The following CSGALNACT1 variants were observed in gnomAD, a reference collection of about 807,000 sequenced individuals.
CSGALNACT1 encodes chondroitin sulfate N-acetylgalactosaminyltransferase 1.
A neutral mutation model predicts 51.0 loss-of-function variants in CSGALNACT1; 52 were observed. That is an observed-to-expected ratio of 1.02 (90% confidence interval 0.82 to 1.29). The LOEUF is 1.29. Among genes scored for constraint, CSGALNACT1 ranks in the 50% most tolerant of loss-of-function variants. The pLI, the probability that CSGALNACT1 is intolerant of heterozygous loss-of-function variation, is 0.00. For synonymous variants in CSGALNACT1, 341 were observed against 254.4 expected, an observed-to-expected ratio of 1.34 and a Z score of -3.24; for missense variants, 935 against 679.2, an observed-to-expected ratio of 1.38 and a Z score of -4.19.
intron 3 of CSGALNACT1, among the ~76,000 whole-genome samples, chr8:19,564,658 C>T (rs1304189449): frequency 1.3e-5 from 2 of 152,196 alleles, no homozygotes; most frequent in Non-Finnish European, 2.9e-5. Context: ...TGTGTCCAAT[C>T]AGAATTCATC....
chr8:19,511,850 A>C (rs1326029961), intron 3 of CSGALNACT1, among the ~76,000 whole-genome samples: 2 of 152,246 alleles, frequency 1.3e-5, no homozygotes, highest in Non-Finnish European at 2.9e-5. Flanking sequence ...TCATGGTGGA[A>C]GGGAAACCAA....
At chr8:19,678,007 T>A (rs557189082) in intron 1 of CSGALNACT1, among the ~76,000 whole-genome samples, 2 of 152,206 alleles carry the variant, frequency 1.3e-5, no homozygotes, top group South Asian at 2.1e-4. Context: ...TCCCAGCTAC[T>A]TGGGAGGCTG....
chr8:19,749,489 G>A (rs1331984771), intron 1 of CSGALNACT1, among the ~76,000 whole-genome samples: 1 of 152,176 alleles, frequency 6.6e-6, no homozygotes, highest in Non-Finnish European at 1.5e-5. Context: ...TCCTGGCTGA[G>A]GTAGACGTTT....
chr8:19,458,523 T>C (rs1286250092), exon 5 of CSGALNACT1: 1 of 1,614,108 alleles, frequency 6.2e-7, no homozygotes, highest in African/African-American at 1.3e-5. Flanking sequence ...TTTTCATTTT[T>C]CACTTTCATG....
At chr8:19,463,520 G>A (rs1563540379) in intron 4 of CSGALNACT1, among the ~76,000 whole-genome samples, 1 of 152,192 alleles carries the variant, frequency 6.6e-6, no homozygotes, top group Non-Finnish European at 1.5e-5. Context: ...GGGAGGGGTG[G>A]TGAGGGAAGG....
chr8:19,655,747 T>C (rs948207152), intron 1 of CSGALNACT1, among the ~76,000 whole-genome samples: 12 of 152,232 alleles, frequency 7.9e-5, no homozygotes, highest in South Asian at 2.1e-4. Flanking sequence ...TGTGAAAAAT[T>C]TGTGAAAAGT....
intron 1 of CSGALNACT1, among the ~76,000 whole-genome samples, chr8:19,704,561 T>C (rs768380918): frequency 5.3e-5 from 8 of 152,186 alleles, no homozygotes; most frequent in Non-Finnish European, 1.2e-4. Context: ...GATCCAGCAC[T>C]CTCACTTCTG....
upstream of CSGALNACT1, among the ~76,000 whole-genome samples, chr8:19,686,420 C>A (rs1442353874): frequency 6.6e-6 from 1 of 152,182 alleles, no homozygotes; most frequent in Non-Finnish European, 1.5e-5. Flanking sequence ...GTCTTGCTGC[C>A]ACAGCCACCA....
chr8:19,413,210 G>C (rs1384885439), intron 8 of CSGALNACT1, among the ~76,000 whole-genome samples: 1 of 152,110 alleles, frequency 6.6e-6, no homozygotes, highest in Non-Finnish European at 1.5e-5. Context: ...TCCAGGTTCT[G>C]CCATTTCCAG....
At chr8:19,590,351 A>G (rs1463713701) in intron 3 of CSGALNACT1, among the ~76,000 whole-genome samples, 2 of 152,224 alleles carry the variant, frequency 1.3e-5, no homozygotes, top group Non-Finnish European at 2.9e-5. Flanking sequence ...TGGACATCAT[A>G]CAGTCAACAT....
At chr8:19,433,997 G>A (rs747835098) in intron 6 of CSGALNACT1, among the ~76,000 whole-genome samples, 1 of 152,112 alleles carries the variant, frequency 6.6e-6, no homozygotes, top group Non-Finnish European at 1.5e-5. Context: ...CCAGAGAGCT[G>A]GAGTCAGGGA....
chr8:19,749,346 T>A (rs1466345894), intron 1 of CSGALNACT1, among the ~76,000 whole-genome samples: 1 of 146,806 alleles, frequency 6.8e-6, no homozygotes, highest in Non-Finnish European at 1.5e-5. Flanking sequence ...TGTTTTTAAA[T>A]TTTTGGCTTT....
chr8:19,591,705 C>T (rs1396822794), intron 2 of CSGALNACT1, among the ~76,000 whole-genome samples: 1 of 152,016 alleles, frequency 6.6e-6, no homozygotes, highest in Admixed American at 6.6e-5. Context: ...AGGAGGATCG[C>T]TTAAGCCCAG....
chr8:19,666,823 GAGAGAGAGAGAA>G (rs771697432), intron 1 of CSGALNACT1, among the ~76,000 whole-genome samples: 4,179 of 73,254 alleles, frequency 0.057, 236 homozygotes, highest in Non-Finnish European at 0.07. Context: ...GAGAGAGAGA[GAGAGAGAGAGAA>G]AGAAAGAAAG....
intron 3 of CSGALNACT1, among the ~76,000 whole-genome samples, chr8:19,540,664 TAC>T (rs368836676): frequency 3.3e-4 from 50 of 152,318 alleles, no homozygotes; most frequent in African/African-American, 1.2e-3. Context: ...TCTCAGCCCT[TAC>T]GTCCTAGATT....
chr8:19,618,904 T>C (rs2053443671), intron 1 of CSGALNACT1, among the ~76,000 whole-genome samples: 1 of 152,082 alleles, frequency 6.6e-6, no homozygotes, highest in Non-Finnish European at 1.5e-5. Context: ...TCTACCGCTG[T>C]AAGAGAAGAG....
At chr8:19,554,085 G>C (rs974450988) in intron 3 of CSGALNACT1, among the ~76,000 whole-genome samples, 3 of 149,314 alleles carry the variant, frequency 2.0e-5, no homozygotes, top group Admixed American at 6.6e-5. Flanking sequence ...AAATTAGTAA[G>C]AGAATAATAG....
intron 1 of CSGALNACT1, among the ~76,000 whole-genome samples, chr8:19,616,713 C>G (rs911285268): frequency 4.6e-5 from 7 of 152,088 alleles, no homozygotes; most frequent in African/African-American, 1.7e-4. Context: ...CTACTCTCAC[C>G]ATGTGATGTA....
chr8:19,654,016 G>T (rs1281862529), intron 1 of CSGALNACT1, among the ~76,000 whole-genome samples: 1 of 152,066 alleles, frequency 6.6e-6, no homozygotes, highest in Non-Finnish European at 1.5e-5. Flanking sequence ...TCCTCCCACA[G>T]GGACCCTGAA....
Sources: gnomAD v4.1 joint callset for allele counts (sites outside exome capture counted in the v4.1 genomes callset) on GRCh38, gnomAD v4.1.1 for gene constraint, MANE v1.5 for transcripts, NCBI Gene and HGNC (gene_info 2026-07-23, HGNC 2026-07-21) for gene names.